The following COL21A1 variants were observed in gnomAD, a reference collection of about 807,000 sequenced individuals.
COL21A1 encodes the protein collagen type XXI alpha 1 chain.
COL21A1 carries 149 observed loss-of-function variants against 137.9 expected under a neutral mutation model. The ratio of observed to expected loss-of-function variants is 1.08; its 90% CI spans 0.95 to 1.24. The LOEUF (loss-of-function observed/expected upper bound fraction) is 1.24, where lower values mean the gene tolerates loss of function less well. Ranked by LOEUF, COL21A1 falls within the 50% of genes most tolerant of loss-of-function variation. COL21A1 has a pLI of 0.00. For synonymous variants in COL21A1, 456 were observed against 391.5 expected (o/e 1.16, Z -1.95); for missense variants, 1,167 against 1,158.4 (o/e 1.01, Z -0.11).
intron 17 of COL21A1, among the ~76,000 whole-genome samples, chr6:56,095,393 C>T (rs993824002): frequency 1.3e-4 from 20 of 152,200 alleles, no homozygotes; most frequent in African/African-American, 4.8e-4. Flanking sequence ...ATTTCAAATC[C>T]GTCCCACTCT....
At chr6:56,060,368 G>A in intron 27 of COL21A1, 150 bp from the exon 28 acceptor site, 2 of 694,950 alleles carry the variant, frequency 2.9e-6, no homozygotes, top group Non-Finnish European at 4.7e-6. Flanking sequence ...CTAGGAATTT[G>A]ACTATGGAAA....
At chr6:56,201,368 A>T (rs1298486490) in intron 1 of COL21A1, among the ~76,000 whole-genome samples, 1 of 152,164 alleles carries the variant, frequency 6.6e-6, no homozygotes, top group Admixed American at 6.5e-5. Context: ...TTTGGACACG[A>T]AGTCCTTGCC....
chr6:56,122,161 T>A (rs1397043590), intron 16 of COL21A1, among the ~76,000 whole-genome samples: 1 of 147,936 alleles, frequency 6.8e-6, no homozygotes, highest in East Asian at 1.9e-4. Flanking sequence ...GGCCATATAT[T>A]ACATCTTTCC....
intron 1 of COL21A1, among the ~76,000 whole-genome samples, chr6:56,216,353 G>A (rs545816920): frequency 1.3e-5 from 2 of 152,056 alleles, no homozygotes; most frequent in South Asian, 4.2e-4. Flanking sequence ...TTTTAGCTTT[G>A]AAAGTATGAA....
chr6:56,280,985 A>T (rs1763774842), intron 1 of COL21A1, among the ~76,000 whole-genome samples: 1 of 152,162 alleles, frequency 6.6e-6, no homozygotes, highest in Non-Finnish European at 1.5e-5. Context: ...AGCCTGGGCG[A>T]CAGACAGAGA....
intron 17 of COL21A1, among the ~76,000 whole-genome samples, chr6:56,088,768 A>C (rs1360794465): frequency 6.6e-6 from 1 of 152,158 alleles, no homozygotes; most frequent in African/African-American, 2.4e-5. Context: ...ACAATGAAAA[A>C]TACGCAAAAA....
At chr6:56,061,743 C>T in intron 24 of COL21A1, 62 bp from the exon 25 acceptor site, 2 of 991,768 alleles carry the variant, frequency 2.0e-6, no homozygotes, top group Admixed American at 2.5e-5. Context: ...AATGTGGCAT[C>T]CACCTTTTAC....
intron 1 of COL21A1, among the ~76,000 whole-genome samples, chr6:56,200,697 A>G (rs529668336): frequency 6.6e-6 from 1 of 151,830 alleles, no homozygotes; most frequent in Non-Finnish European, 1.5e-5. Flanking sequence ...TTCATCCAGT[A>G]TATCATTGTT....
At chr6:56,281,795 G>A (rs1302719115) in intron 1 of COL21A1, among the ~76,000 whole-genome samples, 1 of 152,156 alleles carries the variant, frequency 6.6e-6, no homozygotes, top group Non-Finnish European at 1.5e-5. Flanking sequence ...GTAGAAGACT[G>A]AGTACAGGCA....
At chr6:56,179,261 C>A (rs1200132618) in intron 3 of COL21A1, among the ~76,000 whole-genome samples, 1 of 151,864 alleles carries the variant, frequency 6.6e-6, no homozygotes, top group East Asian at 1.9e-4. Context: ...TATTTTTATT[C>A]TTTGTGCCTT....
intron 1 of COL21A1, among the ~76,000 whole-genome samples, chr6:56,267,981 C>T (rs571443528): frequency 1.3e-5 from 2 of 152,246 alleles, no homozygotes; most frequent in East Asian, 3.9e-4. Context: ...AGTACTTTCC[C>T]AGTGGCCTGA....
chr6:56,241,212 A>G (rs567666750), intron 1 of COL21A1, among the ~76,000 whole-genome samples: 2 of 152,322 alleles, frequency 1.3e-5, no homozygotes, highest in East Asian at 3.9e-4. Context: ...TGGTGCCCTC[A>G]GGACTGGTAG....
chr6:56,322,182 A>T (rs900280989), intron 1 of COL21A1, among the ~76,000 whole-genome samples: 1 of 152,156 alleles, frequency 6.6e-6, no homozygotes, highest in Admixed American at 6.6e-5. Flanking sequence ...TCTGAGAGGT[A>T]TGCTCAGCAA....
At chr6:56,351,059 G>T (rs1157078803) in intron 1 of COL21A1, among the ~76,000 whole-genome samples, 1 of 152,238 alleles carries the variant, frequency 6.6e-6, no homozygotes, top group African/African-American at 2.4e-5. Context: ...CCGGCCTTCT[G>T]CCATGCATTA....
At chr6:56,363,952 A>G (rs1766038179) in intron 1 of COL21A1, among the ~76,000 whole-genome samples, 1 of 152,258 alleles carries the variant, frequency 6.6e-6, no homozygotes, top group South Asian at 2.1e-4. Flanking sequence ...GGACAGACAG[A>G]CCTGGACAAA....
At chr6:56,350,655 T>C (rs1273325591) in intron 1 of COL21A1, among the ~76,000 whole-genome samples, 4 of 152,204 alleles carry the variant, frequency 2.6e-5, no homozygotes, top group Admixed American at 2.6e-4. Flanking sequence ...CTCTCCTGGA[T>C]GACTTGGGGA....
intron 10 of COL21A1, among the ~76,000 whole-genome samples, chr6:56,146,205 A>C (rs1774823651): frequency 6.6e-6 from 1 of 152,152 alleles, no homozygotes; most frequent in African/African-American, 2.4e-5. Flanking sequence ...TCCTTTTAAA[A>C]ATGTAAGAAT....
intron 1 of COL21A1, among the ~76,000 whole-genome samples, chr6:56,273,476 C>T (rs745338060): frequency 6.6e-6 from 1 of 152,108 alleles, no homozygotes; most frequent in Non-Finnish European, 1.5e-5. Flanking sequence ...TGATAGACTG[C>T]TAGCTACATC....
intron 10 of COL21A1, among the ~76,000 whole-genome samples, chr6:56,142,647 G>C (rs1455451370): frequency 6.6e-6 from 1 of 152,160 alleles, no homozygotes; most frequent in African/African-American, 2.4e-5. Flanking sequence ...TTTATTGTTG[G>C]TTTAGCACAT....
Sources: allele counts gnomAD v4.1 joint callset (sites outside exome capture counted in the v4.1 genomes callset), GRCh38; gene constraint gnomAD v4.1.1; transcripts MANE v1.5; gene names NCBI Gene and HGNC (gene_info 2026-07-23, HGNC 2026-07-21).